TLL2: variants seen among roughly 807,000 people sequenced by gnomAD.
The protein encoded by TLL2 is tolloid-like protein 2.
TLL2 carries 106 observed loss-of-function variants against 123.0 expected under a neutral mutation model. That is an observed-to-expected ratio of 0.86 (90% CI 0.74 to 1.01). The LOEUF (loss-of-function observed/expected upper bound fraction) is 1.01. Among genes scored for constraint, TLL2 ranks in the 50% least tolerant of loss-of-function variants. The probability of loss-of-function intolerance (pLI) is 0.00; values close to 1 mark genes in which losing one functional copy is unlikely to be tolerated. For synonymous variants in TLL2, 494 were observed against 516.8 expected (o/e 0.96, Z 0.60); for missense variants, 1,332 against 1,336.7 (o/e 1.00, Z 0.06).
At chr10:96,468,776 T>G (rs1194884917) in intron 2 of TLL2, among the ~76,000 whole-genome samples, 2 of 152,180 alleles carry the variant, frequency 1.3e-5, no homozygotes, top group African/African-American at 4.8e-5. Context: ...TGGCCCCAGG[T>G]GGAGTCCCAG....
At chr10:96,456,689 C>T (rs906133044) in intron 2 of TLL2, among the ~76,000 whole-genome samples, 1 of 152,228 alleles carries the variant, frequency 6.6e-6, no homozygotes, top group African/African-American at 2.4e-5. Flanking sequence ...TGGATGCCCT[C>T]GGAGCCATCC....
At chr10:96,399,915 C>T (rs1304999787) in intron 10 of TLL2, among the ~76,000 whole-genome samples, 1 of 152,198 alleles carries the variant, frequency 6.6e-6, no homozygotes. Flanking sequence ...CCTGTCTCTG[C>T]TGAGTACTCG....
intron 16 of TLL2, among the ~76,000 whole-genome samples, chr10:96,383,895 T>C (rs1846207393): frequency 6.7e-6 from 1 of 149,910 alleles, no homozygotes; most frequent in Admixed American, 6.6e-5. Context: ...CCTCCCAAAG[T>C]GCTGGGATTA....
At chr10:96,450,856 T>A (rs897201001) in intron 2 of TLL2, among the ~76,000 whole-genome samples, 2 of 151,338 alleles carry the variant, frequency 1.3e-5, no homozygotes, top group African/African-American at 4.9e-5. Context: ...AAAAAAAAGT[T>A]TGAAAAAAAT....
chr10:96,468,395 G>A (rs1262347712), intron 2 of TLL2, among the ~76,000 whole-genome samples: 1 of 152,156 alleles, frequency 6.6e-6, no homozygotes, highest in African/African-American at 2.4e-5. Context: ...AAGAAGAGGA[G>A]ACAAAACAAA....
At chr10:96,511,974 G>A (rs532142827) in intron 1 of TLL2, among the ~76,000 whole-genome samples, 1 of 152,262 alleles carries the variant, frequency 6.6e-6, no homozygotes, top group East Asian at 1.9e-4. Context: ...CCTTGAATTA[G>A]GTCCCATAAG....
At chr10:96,404,306 G>T (rs1846428448) in intron 10 of TLL2, among the ~76,000 whole-genome samples, 1 of 152,120 alleles carries the variant, frequency 6.6e-6, no homozygotes, top group Non-Finnish European at 1.5e-5. Context: ...TACACCACCT[G>T]CCCACTGTGT....
chr10:96,425,493 T>C (rs111798114), intron 5 of TLL2, among the ~76,000 whole-genome samples: 1,663 of 152,120 alleles, frequency 0.011, 28 homozygotes, highest in African/African-American at 0.038. Flanking sequence ...GGAAGCAATA[T>C]GCTTTCTATT....
chr10:96,453,700 G>A (rs1386108089), intron 2 of TLL2, among the ~76,000 whole-genome samples: 1 of 152,114 alleles, frequency 6.6e-6, no homozygotes, highest in East Asian at 1.9e-4. Flanking sequence ...CGGATTATAA[G>A]TCAAAAAACA....
At chr10:96,467,968 A>G (rs1471104389) in intron 2 of TLL2, among the ~76,000 whole-genome samples, 2 of 152,124 alleles carry the variant, frequency 1.3e-5, no homozygotes, top group African/African-American at 2.4e-5. Context: ...TGAGAACTCA[A>G]AGTATTTTCC....
chr10:96,462,889 T>G (rs1847093906), intron 2 of TLL2, among the ~76,000 whole-genome samples: 2 of 152,182 alleles, frequency 1.3e-5, no homozygotes, highest in Admixed American at 1.3e-4. Context: ...ACAAAAATGC[T>G]TAAAATATGG....
chr10:96,460,966 T>C (rs1847075905), intron 2 of TLL2, among the ~76,000 whole-genome samples: 2 of 152,216 alleles, frequency 1.3e-5, no homozygotes, highest in Non-Finnish European at 2.9e-5. Flanking sequence ...TCCAGAACTG[T>C]GAGAAATCAA....
chr10:96,509,801 G>T (rs1847610132), intron 1 of TLL2, among the ~76,000 whole-genome samples: 1 of 152,196 alleles, frequency 6.6e-6, no homozygotes, highest in South Asian at 2.1e-4. Flanking sequence ...CAAAAAAATA[G>T]CTGGGCATAG....
intron 2 of TLL2, among the ~76,000 whole-genome samples, chr10:96,480,142 G>T (rs988890969): frequency 6.6e-6 from 1 of 152,228 alleles, no homozygotes; most frequent in Non-Finnish European, 1.5e-5. Context: ...GAGGCAAATG[G>T]AGATTTTCTT....
At chr10:96,368,691 A>T (rs1326921604) in intron 20 of TLL2, among the ~76,000 whole-genome samples, 9 of 152,142 alleles carry the variant, frequency 5.9e-5, no homozygotes, top group Admixed American at 5.9e-4. Flanking sequence ...CTCCCAGGAG[A>T]CCTGAAACAA....
At chr10:96,439,942 G>T (rs1846835505) in intron 3 of TLL2, among the ~76,000 whole-genome samples, 1 of 152,130 alleles carries the variant, frequency 6.6e-6, no homozygotes, top group Non-Finnish European at 1.5e-5. Context: ...TAAGAATCCA[G>T]ATTTTCTAGT....
chr10:96,473,051 C>A (rs551575778), intron 2 of TLL2, among the ~76,000 whole-genome samples: 1 of 152,112 alleles, frequency 6.6e-6, no homozygotes, highest in Admixed American at 6.6e-5. Context: ...TCCATCAGCC[C>A]CCCCCAATCA....
At chr10:96,497,690 T>G (rs1415764413) in intron 1 of TLL2, among the ~76,000 whole-genome samples, 1 of 152,256 alleles carries the variant, frequency 6.6e-6, no homozygotes, top group African/African-American at 2.4e-5. Context: ...GGCTCATCTC[T>G]GTGTGTCTCA....
intron 16 of TLL2, among the ~76,000 whole-genome samples, chr10:96,380,641 G>A (rs1379651621): frequency 3.5e-5 from 5 of 144,266 alleles, no homozygotes; most frequent in Middle Eastern, 3.8e-3. Flanking sequence ...TGCAGTGAGC[G>A]GAGATTGCAC....
Sources: allele counts gnomAD v4.1 joint callset (sites outside exome capture counted in the v4.1 genomes callset), GRCh38; gene constraint gnomAD v4.1.1; transcripts MANE v1.5; gene names NCBI Gene and HGNC (gene_info 2026-07-23, HGNC 2026-07-21).